Variants in TMEM17 observed in about 807,000 individuals in gnomAD.
The protein encoded by TMEM17 is transmembrane protein 17.
Under a neutral mutation model 19.1 loss-of-function variants are expected in TMEM17, and 15 were observed. The observed-to-expected ratio is 0.78, with a 90% CI of 0.52 to 1.21. TMEM17 has a LOEUF of 1.21. Ranked by LOEUF, TMEM17 falls within the 50% of genes most tolerant of loss-of-function variation. The pLI is 0.00. For missense variants in TMEM17, 245 were observed against 242.3 expected (o/e 1.01, Z -0.07); for synonymous variants, 103 against 86.9 (o/e 1.19, Z -1.03).
the TMEM17 span, among the ~76,000 whole-genome samples, chr2:62,477,165 G>C: frequency 6.6e-6 from 1 of 152,210 alleles, no homozygotes; most frequent in African/African-American, 2.4e-5. Context: ...GGGAGGCTGA[G>C]GCGGGAAGAT....
the TMEM17 span, among the ~76,000 whole-genome samples, chr2:62,465,633 A>C: frequency 6.6e-6 from 1 of 152,096 alleles, no homozygotes; most frequent in Non-Finnish European, 1.5e-5. Flanking sequence ...TGAGGAGTAA[A>C]AGAGATGACA....
the TMEM17 span, among the ~76,000 whole-genome samples, chr2:62,474,723 A>C: frequency 6.6e-6 from 1 of 152,142 alleles, no homozygotes; most frequent in African/African-American, 2.4e-5. Context: ...GGCTCTGAAA[A>C]TTCCACATCC....
the TMEM17 span, among the ~76,000 whole-genome samples, chr2:62,486,959 G>C: frequency 6.6e-6 from 1 of 152,022 alleles, no homozygotes; most frequent in Non-Finnish European, 1.5e-5. Context: ...ATGTGGGGTC[G>C]GGGAGCTGCT....
chr2:62,453,876 G>A, the TMEM17 span, among the ~76,000 whole-genome samples: 1 of 152,214 alleles, frequency 6.6e-6, no homozygotes, highest in African/African-American at 2.4e-5. Flanking sequence ...ATAGATACTT[G>A]CCTGTGCTTG....
intron 1 of TMEM17, 39 bp downstream of exon 1, chr2:62,505,991 G>A (rs1377964282): frequency 5.2e-6 from 8 of 1,550,800 alleles, no homozygotes; most frequent in Non-Finnish European, 7.0e-6. Context: ...CCAAGCCCTC[G>A]GCAGGCCACA....
chr2:62,463,781 T>C, the TMEM17 span: 2 of 152,148 alleles, frequency 1.3e-5, no homozygotes, highest in African/African-American at 4.8e-5. Flanking sequence ...AAATGTTGCG[T>C]TTTCCTAAAT....
intron 2 of TMEM17, 39 bp downstream of exon 2, chr2:62,502,649 TAAC>T: frequency 6.6e-7 from 1 of 1,509,026 alleles, no homozygotes; most frequent in Admixed American, 2.0e-5. Flanking sequence ...ATTGACACTC[TAAC>T]AACGTCAGGG....
At chr2:62,461,399 G>A in the TMEM17 span, among the ~76,000 whole-genome samples, 1 of 152,208 alleles carries the variant, frequency 6.6e-6, no homozygotes, top group East Asian at 1.9e-4. Context: ...GACTGCCAGG[G>A]CTGGTTTTCT....
At chr2:62,474,022 G>A in the TMEM17 span, among the ~76,000 whole-genome samples, 3 of 152,156 alleles carry the variant, frequency 2.0e-5, no homozygotes, top group Admixed American at 6.5e-5. Context: ...AGGCCACACT[G>A]AGGATGGGGA....
At chr2:62,502,597 C>A in intron 2 of TMEM17, 47 bp from the exon 3 acceptor site, 1 of 1,451,542 alleles carries the variant, frequency 6.9e-7, no homozygotes, top group African/African-American at 1.7e-5. Context: ...TGTATAGTAA[C>A]ATTGATTTAA....
chr2:62,505,960 C>G, intron 1 of TMEM17, 70 bp downstream of exon 1: 2 of 1,422,056 alleles, frequency 1.4e-6, no homozygotes, highest in South Asian at 2.5e-5. Context: ...CGGGCAAATT[C>G]TGGACGCTCC....
intron 1 of TMEM17, 45 bp from the exon 2 acceptor site, chr2:62,502,839 A>G: frequency 8.3e-7 from 1 of 1,207,364 alleles, no homozygotes; most frequent in Non-Finnish European, 1.2e-6. Flanking sequence ...TCTTGGGTTT[A>G]TGCCCTATAT....
chr2:62,457,811 C>T, the TMEM17 span, among the ~76,000 whole-genome samples: 1 of 152,190 alleles, frequency 6.6e-6, no homozygotes, highest in African/African-American at 2.4e-5. The surrounding 1 kb of genome is among the most constrained non-coding windows in gnomAD (Gnocchi z 4.2). Flanking sequence ...CGGTTGCCTC[C>T]AGCAGCCTCA....
At chr2:62,489,056 C>T in the TMEM17 span, among the ~76,000 whole-genome samples, 3 of 152,186 alleles carry the variant, frequency 2.0e-5, no homozygotes, top group African/African-American at 7.2e-5. Context: ...TATATCCCCT[C>T]AGGTATGAAA....
chr2:62,459,081 G>A, the TMEM17 span, among the ~76,000 whole-genome samples: 17 of 152,344 alleles, frequency 1.1e-4, no homozygotes, highest in African/African-American at 4.1e-4. Flanking sequence ...TTCCTTGCTT[G>A]TAGAATTTCT....
the TMEM17 span, among the ~76,000 whole-genome samples, chr2:62,456,781 G>C: frequency 2.6e-5 from 4 of 152,254 alleles, no homozygotes; most frequent in Admixed American, 6.5e-5. Context: ...AGTCATGCTA[G>C]AGACCTCTCA....
At chr2:62,456,274 G>A in the TMEM17 span, among the ~76,000 whole-genome samples, 1 of 152,200 alleles carries the variant, frequency 6.6e-6, no homozygotes, top group African/African-American at 2.4e-5. Flanking sequence ...AAAATTAAGG[G>A]GTAAGCAGAG....
the TMEM17 span, among the ~76,000 whole-genome samples, chr2:62,470,021 A>C: frequency 6.6e-6 from 1 of 151,874 alleles, no homozygotes; most frequent in Non-Finnish European, 1.5e-5. Context: ...ATGTCCTCTC[A>C]TTTTCCTGGC....
At chr2:62,485,988 T>C in the TMEM17 span, among the ~76,000 whole-genome samples, 12 of 152,360 alleles carry the variant, frequency 7.9e-5, no homozygotes, top group Admixed American at 3.9e-4. Flanking sequence ...ATTTCCATTT[T>C]AGTAAGCAGA....
Sources: gnomAD v4.1 joint callset for allele counts (sites outside exome capture counted in the v4.1 genomes callset) on GRCh38, gnomAD v4.1.1 for gene constraint, Gnocchi (gnomAD v3.1) non-coding constraint, MANE v1.5 for transcripts, NCBI Gene and HGNC (gene_info 2026-07-23, HGNC 2026-07-21) for gene names.